Variants in OTOGL observed in about 807,000 individuals in gnomAD.
The protein encoded by OTOGL is otogelin-like protein.
Under a neutral mutation model 318.5 loss-of-function variants are expected in OTOGL, and 285 were observed. That is an observed-to-expected ratio of 0.89 (90% confidence interval 0.81 to 0.99). OTOGL has a LOEUF of 0.99. OTOGL is among the 50% of genes least tolerant of loss of function. The pLI is 0.00. For missense variants in OTOGL, 2,899 were observed against 2,845.6 expected (o/e 1.02, Z -0.43); for synonymous variants, 987 against 936.5 (o/e 1.05, Z -0.99).
chr12:80,243,027 T>A (rs553397791), intron 11 of OTOGL, among the ~76,000 whole-genome samples: 1 of 147,850 alleles, frequency 6.8e-6, no homozygotes, highest in African/African-American at 2.6e-5. Flanking sequence ...AAACCAAGAT[T>A]TTTTTTTTTG....
At position 80,378,113 on chromosome 12, in the gene OTOGL, T is replaced by G. The variant is rs1891275629; in HGVS notation, c.*65T>G. ...CAGATAGAATTAACTTTTATTGCTA[T>G]TACTTAGGCATGTGGCAGATTTATG... On this transcript the variant is annotated 3_prime_UTR_variant, in exon 59 of 59. Transcript: ENST00000547103. 6 of 1,242,150 alleles carry G rather than the reference T, an allele frequency of 4.8e-6. No homozygotes were observed. The highest frequency in any genetic ancestry group is 6.7e-6 in the Non-Finnish European group (6 of 889,356). 76.9% of individuals were successfully genotyped at this position (1,242,150 alleles called of 1,614,324 possible). A position where few individuals can be genotyped will look rare whatever the true frequency, so the allele number is the denominator to read the frequency against.
rs1238522920 is a variant in OTOGL at position 80,222,086 on chromosome 12, T to C, written c.335-5T>C. 6.3e-7 allele frequency: 1 copy of C among 1,594,916 alleles called. No individual in the cohort carries two copies. Among genetic ancestry groups the C allele is most frequent in the African/African-American group, 1.3e-5 (1 of 74,820 alleles). On this transcript the variant is annotated splice_region_variant and splice_polypyrimidine_tract_variant and intron_variant, in intron 6 of 58. Coordinates refer to ENST00000547103, the MANE Select transcript of OTOGL (RefSeq NM_001378609.3). ...CCTACAAAATATTATCCTGTTTCTT[T>C]TCAGTCCCAAACATGGGCAACGGCA... is the stretch of plus-strand genomic sequence containing the variant.
At chr12:80,324,661 C>T (rs1022501473) in intron 35 of OTOGL, among the ~76,000 whole-genome samples, 3 of 152,200 alleles carry the variant, frequency 2.0e-5, no homozygotes, top group African/African-American at 7.2e-5. Flanking sequence ...ATCGGTGATA[C>T]AGACAAGAAA....
intron 24 of OTOGL, among the ~76,000 whole-genome samples, chr12:80,272,213 G>T (rs1883462719): frequency 6.6e-6 from 1 of 152,042 alleles, no homozygotes; most frequent in Admixed American, 6.6e-5. Flanking sequence ...GTGTATTGAG[G>T]CTACAAAGGG....
chr12:80,297,615 G>A (rs768921043), intron 27 of OTOGL, among the ~76,000 whole-genome samples: 5 of 152,172 alleles, frequency 3.3e-5, no homozygotes, highest in African/African-American at 1.2e-4. Context: ...TTACAGGCAT[G>A]AGCCACCGTG....
chr12:80,238,793 G>C, intron 9 of OTOGL, 58 bp from the exon 10 acceptor site: 1 of 1,364,918 alleles, frequency 7.3e-7, no homozygotes, highest in African/African-American at 1.5e-5. Flanking sequence ...TCTGTTTGTG[G>C]AAAATGATAT....
intron 55 of OTOGL, among the ~76,000 whole-genome samples, chr12:80,369,353 A>G (rs1215071419): frequency 2.6e-5 from 4 of 152,016 alleles, no homozygotes; most frequent in Admixed American, 2.0e-4. Flanking sequence ...TTAAGATTAT[A>G]TCTATAGATT....
intron 36 of OTOGL, 61 bp from the exon 37 acceptor site, chr12:80,328,990 A>AT (rs1887891816): frequency 7.0e-7 from 1 of 1,429,796 alleles, no homozygotes; most frequent in East Asian, 2.4e-5. Context: ...CCTCTATGAA[A>AT]TATGTGGGTC....
intron 18 of OTOGL, 112 bp from the exon 19 acceptor site, chr12:80,261,857 G>A (rs540066945): frequency 7.1e-6 from 9 of 1,260,640 alleles, no homozygotes; most frequent in African/African-American, 1.5e-5. Flanking sequence ...ATTTCAAGCT[G>A]TAAGATTTCC....
chr12:80,202,430 C>T (rs912285737), intron 1 of OTOGL, among the ~76,000 whole-genome samples: 1 of 152,010 alleles, frequency 6.6e-6, no homozygotes, highest in African/African-American at 2.4e-5. Context: ...GACACCACGC[C>T]TGGCTAATTT....
Position 80,358,251 on chromosome 12 carries a change from G to A in OTOGL, c.6023G>A (p.Cys2008Tyr), listed in dbSNP as rs1313872405. 1 of 1,607,590 alleles carries A rather than the reference G, an allele frequency of 6.2e-7. No individual in the cohort carries two copies. Among genetic ancestry groups the A allele is most frequent in the Admixed American group, 1.7e-5 (1 of 59,586 alleles). ...EPCCFSPFCV[C>Y]ESCTKPVPLC... The stretch of plus-strand genomic sequence containing the variant: ...TTGGCTTCTTGTTTTACCTTAGTTT[G>A]TGAATCTTGCACCAAACCTGTTCCA... Residue 2008 changes from cysteine (C) to tyrosine (Y), a missense_variant, in exon 50 of 59, where the codon TGT becomes TAT. Cys to Tyr is a radical substitution (Grantham distance 194, BLOSUM62 -2). Around this residue, in one of 3 missense-constraint regions of OTOGL, gnomAD observed 2,607 missense variants for 2,524.9 expected, o/e 1.03. Transcript: ENST00000547103.
intron 1 of OTOGL, among the ~76,000 whole-genome samples, chr12:80,158,403 C>T (rs1449377334): frequency 6.6e-6 from 1 of 151,876 alleles, no homozygotes; most frequent in Admixed American, 6.6e-5. Context: ...ATCCATTGCA[C>T]CCAAGGGTTT....
rs1409000865 is a variant in OTOGL at position 80,252,176 on chromosome 12, T to A, written c.1260T>A (p.Cys420Ter). The change falls in exon 13 of 59, where the codon TGT (cysteine) becomes TGA (stop). Residue 420 changes from cysteine (C) to a stop codon, truncating the protein, a stop_gained. Coordinates refer to ENST00000547103, the MANE Select transcript of OTOGL (RefSeq NM_001378609.3). LOFTEE classifies it high-confidence loss of function. ...EKQCLGSNLH[C>*]LDGCYCPDGL... The stretch of plus-strand genomic sequence containing the variant: ...AATGTCTTGGGAGCAATCTCCATTG[T>A]CTTGATGGATGTTACTGCCCAGATG... The A allele has an allele frequency of 6.3e-7, 1 of 1,597,102 alleles. No individual in the cohort carries two copies. The highest frequency in any genetic ancestry group is 8.5e-7 in the Non-Finnish European group (1 of 1,170,770).
intron 54 of OTOGL, among the ~76,000 whole-genome samples, chr12:80,367,986 T>C (rs1043850353): frequency 1.1e-4 from 16 of 152,138 alleles, no homozygotes; most frequent in African/African-American, 3.1e-4. Flanking sequence ...TAAACCTGCT[T>C]GATGAATTTG....
chr12:80,238,378 GT>G (rs58783314), intron 9 of OTOGL, among the ~76,000 whole-genome samples: 6,999 of 151,506 alleles, frequency 0.046, 546 homozygotes, highest in African/African-American at 0.16. Context: ...AATTTGACAA[GT>G]TTTTTTTTGT....
At position 80,254,550 on chromosome 12, in the gene OTOGL, G is replaced by A. The variant is rs927558813; in HGVS notation, c.1421G>A (p.Cys474Tyr). 4.4e-6 allele frequency: 7 copies of A among 1,608,238 alleles called. No homozygotes were observed. The highest frequency in any genetic ancestry group is 1.7e-5 in the Admixed American group (1 of 59,774). ...GTGTGTGTTGGTGGAGTTTGGAACT[G>A]CACTGAGCAAGACTGTCCAGGTAAT... Reference protein sequence around the residue: ...ECVCVGGVWNCTEQDCPVQCS... With the variant: ...ECVCVGGVWNYTEQDCPVQCS... Residue 474 changes from cysteine (C) to tyrosine (Y), a missense_variant, in exon 15 of 59, where the codon TGC becomes TAC. This residue lies in a region of OTOGL where 2,607 missense variants were observed against 2,524.9 expected (regional missense o/e 1.03). Transcript: ENST00000547103.
At position 80,356,519 on chromosome 12, in the gene OTOGL, T is replaced by C; in HGVS notation, c.5910T>C (p.Cys1970=). The C allele has an allele frequency of 6.3e-7, 1 of 1,579,394 alleles. No individual in the cohort carries two copies. The highest frequency in any genetic ancestry group is 8.6e-7 in the Non-Finnish European group (1 of 1,157,554). Residue 1970 remains cysteine (C), a splice_region_variant and synonymous_variant, in exon 48 of 59, where the codon TGT becomes TGC. Transcript: ENST00000547103. ...SPLSCCPQYK[C]ECDPLKCPSI... The stretch of plus-strand genomic sequence containing the variant: ...TTTCTTGCTGTCCACAGTACAAATG[T>C]GGTAAGTAATCAATATAGAAAATTA...
At chr12:80,248,112 T>C (rs1234537223) in intron 11 of OTOGL, among the ~76,000 whole-genome samples, 1 of 112,768 alleles carries the variant, frequency 8.9e-6, no homozygotes. Flanking sequence ...TCTTGACTCT[T>C]TATCCAACTT....
chr12:80,269,018 T>C (rs1358596402), intron 22 of OTOGL, among the ~76,000 whole-genome samples: 2 of 152,162 alleles, frequency 1.3e-5, no homozygotes, highest in African/African-American at 4.8e-5. Flanking sequence ...AAGTATGATA[T>C]GGAAGACCTG....
Sources: allele counts gnomAD v4.1 joint callset (sites outside exome capture counted in the v4.1 genomes callset), GRCh38; gene constraint gnomAD v4.1.1; regional missense constraint gnomAD v4.1.1; transcripts MANE v1.5; gene names NCBI Gene and HGNC (gene_info 2026-07-23, HGNC 2026-07-21).